The following TMEM131L variants were observed in gnomAD, a reference collection of about 807,000 sequenced individuals.
TMEM131L encodes the protein transmembrane 131 like, also known as transmembrane protein 131-like.
TMEM131L carries 54 observed loss-of-function variants against 192.2 expected under a neutral mutation model. That is an observed-to-expected ratio of 0.28 (90% CI 0.23 to 0.35). The LOEUF is 0.35. Ranked by LOEUF, TMEM131L falls within the 10% of genes least tolerant of loss-of-function variation. The pLI, the probability that TMEM131L is intolerant of heterozygous loss-of-function variation, is 1.00. For synonymous variants in TMEM131L, 701 were observed against 704.9 expected (o/e 0.99, Z 0.09); for missense variants, 1,888 against 1,972.9 (o/e 0.96, Z 0.82).
chr4:153,587,676 A>T, intron 14 of TMEM131L, 66 bp from the exon 15 acceptor site: 1 of 1,145,096 alleles, frequency 8.7e-7, no homozygotes, highest in Non-Finnish European at 1.3e-6. Context: ...TTTGAATTTT[A>T]GTGCATTAGA....
At chr4:153,525,636 A>T (rs576807419) in intron 3 of TMEM131L, among the ~76,000 whole-genome samples, 1 of 152,146 alleles carries the variant, frequency 6.6e-6, no homozygotes, top group Non-Finnish European at 1.5e-5. Context: ...CACCGTGCCC[A>T]GCCCTTTTTC....
At chr4:153,490,953 CAA>C (rs3040164) in intron 3 of TMEM131L, among the ~76,000 whole-genome samples, 8,066 of 81,900 alleles carry the variant, frequency 0.098, 259 homozygotes, top group East Asian at 0.24. Flanking sequence ...GACTCTGTCT[CAA>C]AAAAAAAAAA....
Position 153,604,258 on chromosome 4 carries a change from A to T in TMEM131L, c.3246A>T (p.Thr1082=). 1 of 1,614,086 alleles carries T rather than the reference A, an allele frequency of 6.2e-7. No individual in the cohort carries two copies. The change falls in exon 25 of 35, where the codon ACA becomes ACT. Residue 1082 remains threonine, a synonymous_variant. Transcript: ENST00000409959. ...GTAGTATGAAGGAGGGAATACAGAC[A>T]TGTATGTTTCCTAAGGAAACTGACA... The part of the protein sequence containing the change: ...SECSMKEGIQ[T]CMFPKETDIK...
intron 2 of TMEM131L, among the ~76,000 whole-genome samples, chr4:153,469,314 G>GACACACACACACACACACACACACAC (rs201245535): frequency 5.4e-5 from 8 of 148,814 alleles, no homozygotes; most frequent in African/African-American, 1.7e-4. Flanking sequence ...GGGTAAGGGA[G>GACACACACACACACACACACACACAC]ACACACACAC....
chr4:153,495,964 T>C (rs2149937017), intron 3 of TMEM131L, among the ~76,000 whole-genome samples: 1 of 152,286 alleles, frequency 6.6e-6, no homozygotes, highest in South Asian at 2.1e-4. Flanking sequence ...GATGTGGCTG[T>C]GCTGAGCTTA....
At chr4:153,586,407 T>C in intron 14 of TMEM131L, 28 bp downstream of exon 14, 1 of 1,508,446 alleles carries the variant, frequency 6.6e-7, no homozygotes, top group East Asian at 2.4e-5. Context: ...ATATGTGTGT[T>C]ACAGTTTTCT....
At chr4:153,609,278 G>A (rs545980319) in intron 25 of TMEM131L, among the ~76,000 whole-genome samples, 113 of 152,290 alleles carry the variant, frequency 7.4e-4, no homozygotes, top group African/African-American at 2.4e-3. Flanking sequence ...GGTGGGAGCA[G>A]GAGGAAGAGA....
intron 4 of TMEM131L, among the ~76,000 whole-genome samples, chr4:153,552,532 T>C (rs564953025): frequency 1.2e-4 from 18 of 152,100 alleles, no homozygotes; most frequent in Non-Finnish European, 1.9e-4. Flanking sequence ...TCCCATATAC[T>C]TTAGATTATC....
chr4:153,562,283 A>G (rs1229678243), intron 7 of TMEM131L, among the ~76,000 whole-genome samples: 1 of 152,020 alleles, frequency 6.6e-6, no homozygotes, highest in African/African-American at 2.4e-5. Context: ...TGATCCGCCC[A>G]CCTCGGCCTC....
intron 3 of TMEM131L, among the ~76,000 whole-genome samples, chr4:153,541,944 C>T (rs1035578522): frequency 1.1e-4 from 17 of 152,188 alleles, no homozygotes; most frequent in Non-Finnish European, 1.8e-4. Flanking sequence ...CTGCCTCAGG[C>T]GGGTAAATCT....
chr4:153,497,470 A>G (rs2149953100), intron 3 of TMEM131L, among the ~76,000 whole-genome samples: 1 of 152,168 alleles, frequency 6.6e-6, no homozygotes, highest in South Asian at 2.1e-4. Context: ...CCTCTGAGAT[A>G]AGCCTCTCAG....
intron 2 of TMEM131L, among the ~76,000 whole-genome samples, chr4:153,472,462 C>A (rs775509548): frequency 6.6e-6 from 1 of 152,136 alleles, no homozygotes; most frequent in Admixed American, 6.5e-5. Flanking sequence ...GGCTTGTACT[C>A]AGCTCTGCAG....
At chr4:153,499,295 G>A (rs887213430) in intron 3 of TMEM131L, among the ~76,000 whole-genome samples, 15 of 152,344 alleles carry the variant, frequency 9.8e-5, no homozygotes, top group Admixed American at 9.1e-4. Context: ...TTTGGAGGAT[G>A]CCCAGCGCTT....
chr4:153,591,995 C>T (rs7664062), intron 17 of TMEM131L, among the ~76,000 whole-genome samples: 40,755 of 151,978 alleles, frequency 0.27, 5,815 homozygotes, highest in Non-Finnish European at 0.33. Context: ...TCAGACGTTA[C>T]GCCCTCTTAC....
At chr4:153,579,815 T>C (rs1464712579) in intron 7 of TMEM131L, among the ~76,000 whole-genome samples, 8 of 152,134 alleles carry the variant, frequency 5.3e-5, no homozygotes, top group Admixed American at 2.6e-4. Context: ...TGAATGACAA[T>C]TGAAGTAGTT....
Position 153,466,364 on chromosome 4 carries a change from G to C in TMEM131L, c.-34G>C. The C allele has an allele frequency of 4.1e-6, 5 of 1,230,278 alleles. No homozygotes were observed. Among genetic ancestry groups the C allele is most frequent in the Non-Finnish European group, 5.1e-6 (5 of 982,970 alleles). 76.2% of individuals were successfully genotyped at this position (1,230,278 alleles called of 1,614,324 possible). On this transcript the variant is annotated 5_prime_UTR_variant, in exon 1 of 35. Transcript: ENST00000409959. ...GGGCGCCAGCGAGCTAGCGGCGAGC[G>C]CGGCGAGCAACGGAGAGGAGCGCGA...
intron 3 of TMEM131L, among the ~76,000 whole-genome samples, chr4:153,507,499 C>T (rs1734070383): frequency 1.3e-5 from 2 of 152,142 alleles, no homozygotes; most frequent in South Asian, 4.1e-4. Flanking sequence ...CTTATGGCTT[C>T]CAAGAGTCTG....
chr4:153,630,504 C>CT (rs1734137322), intron 31 of TMEM131L, among the ~76,000 whole-genome samples: 1 of 152,236 alleles, frequency 6.6e-6, no homozygotes, highest in Non-Finnish European at 1.5e-5. Flanking sequence ...ATTGCATAGA[C>CT]TGCACCTTGG....
intron 31 of TMEM131L, among the ~76,000 whole-genome samples, chr4:153,628,424 T>G (rs149406034): frequency 2.1e-3 from 321 of 152,356 alleles, no homozygotes; most frequent in African/African-American, 7.2e-3. Flanking sequence ...TCAGGAATTG[T>G]GGCAGGATAA....
Sources: gnomAD v4.1 joint callset for allele counts (sites outside exome capture counted in the v4.1 genomes callset) on GRCh38, gnomAD v4.1.1 for gene constraint, MANE v1.5 for transcripts, NCBI Gene and HGNC (gene_info 2026-07-23, HGNC 2026-07-21) for gene names.